KL: variants seen among roughly 807,000 people sequenced by gnomAD.
KL encodes the protein alpha-klotho.
A neutral mutation model predicts 84.2 loss-of-function variants in KL; 62 were observed. The observed-to-expected ratio is 0.74, with a 90% CI of 0.60 to 0.91. The LOEUF is 0.91. Ranked by LOEUF, KL falls within the 40% of genes least tolerant of loss-of-function variation. The pLI is 0.00. For missense variants in KL, 1,261 were observed against 1,305.7 expected (o/e 0.97, Z 0.53); for synonymous variants, 528 against 528.0 (o/e 1.00, Z 0.00).
rs916797636 is a variant in KL at position 33,055,405 on chromosome 13, A to G, written c.1599+90A>G. The G allele has an allele frequency of 7.7e-6, 12 of 1,557,682 alleles. No homozygotes were observed. The East Asian group carries it at 2.5e-4, about 32-fold the overall frequency. Reference sequence around the variant, plus strand: ...CTTCCTAGGCTGATTGTCATGGCACATTGTCCGTTCTTTGAGCCAAAAACA... The same window carrying G: ...CTTCCTAGGCTGATTGTCATGGCACGTTGTCCGTTCTTTGAGCCAAAAACA... On this transcript the variant is annotated intron_variant, in intron 3 of 4. Coordinates refer to ENST00000380099, the MANE Select transcript of KL (RefSeq NM_004795.4).
chr13:33,064,672 A>G lies in KL; in HGVS notation c.*486A>G. 1 of 235,920 alleles carries G rather than the reference A, an allele frequency of 4.2e-6. No homozygotes were observed. Among genetic ancestry groups the G allele is most frequent in the Non-Finnish European group, 8.3e-6 (1 of 120,008 alleles). The allele number at this position is 235,920 out of a possible 1,614,324, so 14.6% of individuals were successfully genotyped here. On this transcript the variant is annotated 3_prime_UTR_variant, in exon 5 of 5. Coordinates refer to ENST00000380099, the MANE Select transcript of KL (RefSeq NM_004795.4). ...TGTCAAATCTAGTTTCCTATGGAAA[A>G]GAAGATGGCAGATACAGGAGAGACG...
chr13:33,043,228 C>CTTT (rs56697823), intron 1 of KL, among the ~76,000 whole-genome samples: 20,002 of 144,808 alleles, frequency 0.14, 1,418 homozygotes, highest in South Asian at 0.17. Flanking sequence ...TGTTGGTAGT[C>CTTT]TTTTTTTTTT....
chr13:33,023,041 C>G (rs1425958481), intron 1 of KL, among the ~76,000 whole-genome samples: 2 of 152,078 alleles, frequency 1.3e-5, no homozygotes, highest in Non-Finnish European at 2.9e-5. Flanking sequence ...ATCCAGTGGA[C>G]AGGAAAAGAG....
intron 1 of KL, among the ~76,000 whole-genome samples, chr13:33,027,396 C>T (rs535785420): frequency 3.9e-5 from 6 of 152,276 alleles, no homozygotes; most frequent in African/African-American, 1.4e-4. Context: ...TTTCCCCAAC[C>T]GGGGCCTTGA....
intron 1 of KL, among the ~76,000 whole-genome samples, chr13:33,043,731 C>T (rs1029985296): frequency 6.6e-6 from 1 of 152,162 alleles, no homozygotes; most frequent in East Asian, 1.9e-4. Flanking sequence ...GGTAGGCTTA[C>T]GTATTTATTT....
intron 1 of KL, among the ~76,000 whole-genome samples, chr13:33,020,644 A>G (rs193080233): frequency 6.6e-6 from 1 of 151,882 alleles, no homozygotes; most frequent in East Asian, 1.9e-4. Flanking sequence ...CCCCTTTTTC[A>G]TGTCTTGTTT....
Position 33,053,874 on chromosome 13 carries a change from C to T in KL, c.927C>T (p.Thr309=), listed in dbSNP as rs771976949. 3.3e-5 allele frequency: 53 copies of T among 1,613,958 alleles called. 1 individual carries two copies. Among genetic ancestry groups the T allele is most frequent in the South Asian group, 2.3e-4 (21 of 91,082 alleles). The change falls in exon 2 of 5, where the codon ACC becomes ACT. Residue 309 remains threonine (T), a synonymous_variant. Transcript: ENST00000380099. ...SSHWINPRRM[T]DHSIKECQKS... is the part of the protein sequence containing the mutation. ...ACTGGATCAATCCTCGAAGAATGAC[C>T]GACCACAGCATCAAAGAATGTCAAA...
At chr13:33,044,635 ATTTTCTTT>A (rs1871454737) in intron 1 of KL, among the ~76,000 whole-genome samples, 2 of 72,316 alleles carry the variant, frequency 2.8e-5, no homozygotes, top group African/African-American at 8.3e-5. Flanking sequence ...AATGCAATTG[ATTTTCTTT>A]TTTTTTTTTT....
intron 1 of KL, among the ~76,000 whole-genome samples, chr13:33,018,028 T>C (rs1454146309): frequency 6.6e-6 from 1 of 152,248 alleles, no homozygotes. Context: ...CAAAATATTT[T>C]ATTAATTTTG....
chr13:33,028,612 T>C (rs1168756158), intron 1 of KL, among the ~76,000 whole-genome samples: 2 of 152,098 alleles, frequency 1.3e-5, no homozygotes, highest in Non-Finnish European at 2.9e-5. Flanking sequence ...CCCCAAAATA[T>C]TGGAGGCTCA....
intron 1 of KL, among the ~76,000 whole-genome samples, chr13:33,052,411 C>T (rs1425429390): frequency 6.6e-6 from 1 of 152,124 alleles, no homozygotes; most frequent in Non-Finnish European, 1.5e-5. Context: ...TTTCTTAGAC[C>T]ACATAAGCAA....
chr13:33,033,844 G>GT (rs777957232), intron 1 of KL, among the ~76,000 whole-genome samples: 2 of 151,166 alleles, frequency 1.3e-5, no homozygotes, highest in Non-Finnish European at 2.9e-5. Flanking sequence ...TATTGGGCTT[G>GT]TTTTTTTAGC....
chr13:33,058,742 A>G (rs2138239653), intron 3 of KL, among the ~76,000 whole-genome samples: 1 of 152,270 alleles, frequency 6.6e-6, no homozygotes, highest in East Asian at 1.9e-4. Context: ...GTTTTGGAAC[A>G]ATCACGGTTA....
chr13:33,059,464 T>C (rs1259248558), intron 3 of KL, among the ~76,000 whole-genome samples: 1 of 151,962 alleles, frequency 6.6e-6, no homozygotes, highest in Non-Finnish European at 1.5e-5. Context: ...CCTTAGACTT[T>C]CTTTTCTTTT....
At chr13:33,054,999 G>T in intron 2 of KL, 48 bp from the exon 3 acceptor site, 1 of 1,613,266 alleles carries the variant, frequency 6.2e-7, no homozygotes. Context: ...CATGATGCAA[G>T]TGCCCAGCGA....
chr13:33,056,687 T>C (rs906932919), intron 3 of KL, among the ~76,000 whole-genome samples: 1 of 150,554 alleles, frequency 6.6e-6, no homozygotes, highest in Non-Finnish European at 1.5e-5. Context: ...GCACCTGTAG[T>C]CCCAGCTACT....
At chr13:33,041,506 T>C (rs942817237) in intron 1 of KL, among the ~76,000 whole-genome samples, 1 of 152,004 alleles carries the variant, frequency 6.6e-6, no homozygotes, top group Non-Finnish European at 1.5e-5. Flanking sequence ...AACACTTCCA[T>C]AGCATTTACA....
chr13:33,054,537 G>T (rs1037562091), intron 2 of KL, among the ~76,000 whole-genome samples: 6 of 152,164 alleles, frequency 3.9e-5, no homozygotes, highest in African/African-American at 1.4e-4. Flanking sequence ...TATTAATCTA[G>T]ATTTTTAGAT....
chr13:33,054,329 A>C (rs375028716), intron 2 of KL, 52 bp downstream of exon 2: 2 of 1,525,012 alleles, frequency 1.3e-6, no homozygotes, highest in African/African-American at 2.7e-5. Context: ...CTGGAAAAAA[A>C]TCTCTAAGAT....
Sources: allele counts gnomAD v4.1 joint callset (sites outside exome capture counted in the v4.1 genomes callset), GRCh38; gene constraint gnomAD v4.1.1; transcripts MANE v1.5; gene names NCBI Gene and HGNC (gene_info 2026-07-23, HGNC 2026-07-21).